The following BMAL1 variants were observed in gnomAD, a reference collection of about 807,000 sequenced individuals.
BMAL1 encodes the protein basic helix-loop-helix ARNT-like protein 1.
chr11:13,317,367 GT>G, the BMAL1 span, among the ~76,000 whole-genome samples: 1 of 152,092 alleles, frequency 6.6e-6, no homozygotes, highest in East Asian at 1.9e-4. Flanking sequence ...TTGTTGTTTT[GT>G]TTTTTGTTTT....
chr11:13,372,284 C>T, the BMAL1 span: 114 of 1,614,052 alleles, frequency 7.1e-5, no homozygotes, highest in Middle Eastern at 3.3e-4. Flanking sequence ...TCAGCTGCCT[C>T]GTCGCAATTG....
At chr11:13,381,811 G>C in the BMAL1 span, among the ~76,000 whole-genome samples, 1 of 152,138 alleles carries the variant, frequency 6.6e-6, no homozygotes, top group Non-Finnish European at 1.5e-5. Flanking sequence ...ACTATAAATA[G>C]GTTTAGGAAC....
chr11:13,386,506 T>G, the BMAL1 span: 1 of 1,316,444 alleles, frequency 7.6e-7, no homozygotes, highest in Non-Finnish European at 1.0e-6. Flanking sequence ...AATGTAACTT[T>G]CTTATTAAAA....
the BMAL1 span, among the ~76,000 whole-genome samples, chr11:13,375,370 C>A: frequency 6.6e-6 from 1 of 152,176 alleles, no homozygotes; most frequent in African/African-American, 2.4e-5. Context: ...GTCAGTAATT[C>A]CCTAGAGCCT....
At chr11:13,369,509 A>G in the BMAL1 span, 4 of 1,286,400 alleles carry the variant, frequency 3.1e-6, no homozygotes, top group Non-Finnish European at 3.3e-6. Flanking sequence ...TCATGTCATC[A>G]TTATAAAACA....
At chr11:13,297,956 G>A in the BMAL1 span, among the ~76,000 whole-genome samples, 1 of 152,154 alleles carries the variant, frequency 6.6e-6, no homozygotes, top group African/African-American at 2.4e-5. Context: ...TCCTGTGACC[G>A]AGGGTCAGAT....
chr11:13,377,374 GTTGT>G, the BMAL1 span, among the ~76,000 whole-genome samples: 1 of 152,158 alleles, frequency 6.6e-6, no homozygotes, highest in Admixed American at 6.5e-5. Flanking sequence ...TACCTGATTG[GTTGT>G]TTAAGCCAGA....
chr11:13,354,891 C>T, the BMAL1 span: 1 of 229,360 alleles, frequency 4.4e-6, no homozygotes. Context: ...GAGTGGAGGT[C>T]CTCTCTGAAA....
chr11:13,353,084 G>C, the BMAL1 span: 3 of 152,340 alleles, frequency 2.0e-5, no homozygotes, highest in African/African-American at 7.2e-5. Flanking sequence ...TGACAGTGGG[G>C]GGAAAACAGG....
chr11:13,356,375 TGGGG>T, the BMAL1 span: 1 of 500,102 alleles, frequency 2.0e-6, no homozygotes, highest in Non-Finnish European at 3.9e-6. Context: ...TCCAGAATGA[TGGGG>T]GGGGAGAATG....
At chr11:13,336,802 G>A in the BMAL1 span, among the ~76,000 whole-genome samples, 1 of 152,168 alleles carries the variant, frequency 6.6e-6, no homozygotes, top group Non-Finnish European at 1.5e-5. Context: ...CTGCCTTGGT[G>A]GTCATGTGTG....
At chr11:13,377,092 G>T in the BMAL1 span, among the ~76,000 whole-genome samples, 1 of 152,068 alleles carries the variant, frequency 6.6e-6, no homozygotes, top group Non-Finnish European at 1.5e-5. Context: ...GGTGTCTTTC[G>T]GCACCAGGGT....
chr11:13,364,371 A>G, the BMAL1 span, among the ~76,000 whole-genome samples: 1 of 152,234 alleles, frequency 6.6e-6, no homozygotes, highest in Non-Finnish European at 1.5e-5. Context: ...CAGCACAAGT[A>G]CATGCACCAT....
At chr11:13,365,320 C>CACAA in the BMAL1 span, 2 of 481,414 alleles carry the variant, frequency 4.2e-6, no homozygotes, top group Middle Eastern at 5.7e-4. Context: ...CACACACACA[C>CACAA]AATCTTACAG....
At chr11:13,385,808 T>C in the BMAL1 span, 1 of 1,573,874 alleles carries the variant, frequency 6.4e-7, no homozygotes, top group Admixed American at 1.7e-5. Flanking sequence ...GGCATCATTA[T>C]TCGTTTCCAT....
At chr11:13,339,804 C>G in the BMAL1 span, among the ~76,000 whole-genome samples, 5 of 152,078 alleles carry the variant, frequency 3.3e-5, no homozygotes, top group Admixed American at 3.3e-4. Flanking sequence ...CTCCCGAGCA[C>G]TTACTGCCAT....
At chr11:13,322,452 C>T in the BMAL1 span, among the ~76,000 whole-genome samples, 7 of 152,150 alleles carry the variant, frequency 4.6e-5, no homozygotes, top group Non-Finnish European at 1.0e-4. Context: ...CTTATTTTTT[C>T]ACTTTTTTCC....
chr11:13,283,669 G>A, the BMAL1 span, among the ~76,000 whole-genome samples: 1 of 152,272 alleles, frequency 6.6e-6, no homozygotes, highest in East Asian at 1.9e-4. Context: ...CAGCAATTGG[G>A]AACCAGTCTT....
the BMAL1 span, among the ~76,000 whole-genome samples, chr11:13,386,439 G>T: frequency 7.2e-5 from 11 of 152,112 alleles, no homozygotes; most frequent in African/African-American, 2.7e-4. Flanking sequence ...CTAAAAAACA[G>T]CGATATAAAA....
Sources: allele counts gnomAD v4.1 joint callset (sites outside exome capture counted in the v4.1 genomes callset), GRCh38; gene constraint gnomAD v4.1.1; transcripts MANE v1.5; gene names NCBI Gene and HGNC (gene_info 2026-07-23, HGNC 2026-07-21).